Variants in MACF1 observed in about 807,000 individuals in gnomAD.
MACF1 encodes the protein microtubule-actin cross-linking factor 1.
In MACF1, 193 loss-of-function variants were observed where a neutral mutation model predicts 854.8. The ratio of observed to expected loss-of-function variants is 0.23; its 90% CI spans 0.20 to 0.25. The LOEUF (loss-of-function observed/expected upper bound fraction) is 0.25, where lower values mean the gene tolerates loss of function less well. Among genes scored for constraint, MACF1 ranks in the 10% least tolerant of loss-of-function variants. The pLI is 1.00. For synonymous variants in MACF1, 3,185 were observed against 3,226.7 expected, an observed-to-expected ratio of 0.99 and a Z score of 0.44; for missense variants, 7,722 against 8,929.1, an observed-to-expected ratio of 0.86 and a Z score of 5.45.
chr1:39,149,828 A>G (rs78074065), intron 2 of MACF1, among the ~76,000 whole-genome samples: 5,179 of 152,060 alleles, frequency 0.034, 103 homozygotes, highest in African/African-American at 0.055. Context: ...ATCTTATCCC[A>G]TTGTTCACCA....
rs1646722402 is a variant in MACF1, at chr1:39,331,328, C to T, written c.4740C>T (p.Ile1580=). ...TAGTGCTTCTGGAATCTCAGGTTATCATGTCTGGCCTCATTGCCCCTGAGA... is the reference window on the plus strand; with the variant it reads ...TAGTGCTTCTGGAATCTCAGGTTATTATGTCTGGCCTCATTGCCCCTGAGA... The part of the protein sequence containing the change: ...TGLVLLESQV[I]MSGLIAPETG... Residue 1580 remains isoleucine, a synonymous_variant, in exon 37 of 101, where the codon ATC becomes ATT. Transcript: ENST00000564288. 2.5e-6 allele frequency: 4 copies of T among 1,613,870 alleles called. No homozygotes were observed. Among genetic ancestry groups the T allele is most frequent in the Non-Finnish European group, 3.4e-6 (4 of 1,180,010 alleles).
intron 2 of MACF1, among the ~76,000 whole-genome samples, chr1:39,151,779 C>CTT (rs951479955): frequency 2.0e-5 from 3 of 151,988 alleles, no homozygotes; most frequent in Non-Finnish European, 4.4e-5. Flanking sequence ...GTTTGTCTCC[C>CTT]TTACTAGATT....
At position 39,293,519 on chromosome 1, in the gene MACF1, C is replaced by T. The variant is rs1645837960; in HGVS notation, c.2054C>T (p.Thr685Ile). The change falls in exon 18 of 101, where the codon ACA becomes ATA. Residue 685 changes from threonine (T) to isoleucine (I), a missense_variant. This residue lies in a region of MACF1 where 1,137 missense variants were observed against 1,263.0 expected (regional missense o/e 0.90). Coordinates refer to ENST00000564288, the MANE Select transcript of MACF1 (RefSeq NM_001394062.1). ...QSLHKFVSRA[T>I]AELIWLNEKE... Reference sequence around the variant, plus strand: ...CTGCATAAATTTGTTTCCAGAGCTACAGCTGAGTTGATCTGGTTGAATGAG... The same window carrying T: ...CTGCATAAATTTGTTTCCAGAGCTATAGCTGAGTTGATCTGGTTGAATGAG... 6.2e-7 allele frequency: 1 copy of T among 1,613,930 alleles called. No homozygotes were observed. Among genetic ancestry groups the T allele is most frequent in the Non-Finnish European group, 8.5e-7 (1 of 1,179,944 alleles).
intron 6 of MACF1, among the ~76,000 whole-genome samples, chr1:39,270,231 C>T (rs1336925410): frequency 2.0e-5 from 3 of 152,144 alleles, no homozygotes; most frequent in Non-Finnish European, 1.5e-5. Flanking sequence ...AAATTTCTGA[C>T]GGCAGCACTC....
Position 39,460,706 on chromosome 1 carries a change from T to A in MACF1, c.21435T>A (p.Ser7145=). The change falls in exon 92 of 101, where the codon TCT becomes TCA. Residue 7145 remains serine, a synonymous_variant. Coordinates refer to ENST00000564288, the MANE Select transcript of MACF1 (RefSeq NM_001394062.1). This position sits in a 1 kb window ranked among gnomAD's most constrained non-coding sequence, Gnocchi z 4.1. ...KYMRWMNHKK[S]RVMDFFRRID... ...TGCGTTGGATGAATCACAAAAAGTC[T>A]CGAGTGATGGATTTCTTCCGGCGCA... 1 of 1,614,188 alleles carries A rather than the reference T, an allele frequency of 6.2e-7. No homozygotes were observed. Among genetic ancestry groups the A allele is most frequent in the South Asian group, 1.1e-5 (1 of 91,082 alleles).
At chr1:39,388,932 G>T (rs1266854688) in intron 58 of MACF1, among the ~76,000 whole-genome samples, 2 of 134,444 alleles carry the variant, frequency 1.5e-5, no homozygotes, top group African/African-American at 5.9e-5. Context: ...AGGCTGGAGT[G>T]CAGTGGTGCG....
At position 39,347,207 on chromosome 1, in the gene MACF1, G is replaced by A; in HGVS notation, c.10812G>A (p.Val3604=). 1 of 1,610,906 alleles carries A rather than the reference G, an allele frequency of 6.2e-7. No homozygotes were observed. The highest frequency in any genetic ancestry group is 1.1e-5 in the South Asian group (1 of 90,870). Residue 3604 remains valine (V), a synonymous_variant, in exon 41 of 101, where the codon GTG becomes GTA. Coordinates refer to ENST00000564288, the MANE Select transcript of MACF1 (RefSeq NM_001394062.1). ...AACAAATGGAGCAGGAAGCCCTGGT[G>A]AAGGTCAGACTGAACCAGCAGCTGG... ...HLQQMEQEAL[V]KTLQKQQNTC...
At chr1:39,086,299 A>G (rs1641672108) in intron 2 of MACF1, among the ~76,000 whole-genome samples, 1 of 152,240 alleles carries the variant, frequency 6.6e-6, no homozygotes, top group Admixed American at 6.5e-5. Flanking sequence ...GGTAATCAGG[A>G]AAGGACTTTA....
intron 1 of MACF1, among the ~76,000 whole-genome samples, chr1:39,230,288 G>A (rs992525272): frequency 3.9e-5 from 6 of 152,154 alleles, no homozygotes; most frequent in Non-Finnish European, 5.9e-5. Context: ...ATATCTTCAC[G>A]TATATGTAGA....
At chr1:39,421,678 GTAT>G (rs1449856653) in intron 58 of MACF1, among the ~76,000 whole-genome samples, 2 of 152,156 alleles carry the variant, frequency 1.3e-5, no homozygotes, top group Admixed American at 1.3e-4. Context: ...TAGTCATTTG[GTAT>G]TATTCTATTC....
intron 2 of MACF1, among the ~76,000 whole-genome samples, chr1:39,194,296 G>A (rs1047441246): frequency 3.3e-5 from 5 of 149,674 alleles, no homozygotes; most frequent in South Asian, 2.1e-4. Flanking sequence ...ATCCATATCC[G>A]GAGGGATTTC....
At position 39,333,034 on chromosome 1, in the gene MACF1, A is replaced by G. The variant is rs1450799241; in HGVS notation, c.6446A>G (p.Asp2149Gly). 1 of 1,614,068 alleles carries G rather than the reference A, an allele frequency of 6.2e-7. No homozygotes were observed. Among genetic ancestry groups the G allele is most frequent in the Non-Finnish European group, 8.5e-7 (1 of 1,180,032 alleles). Residue 2149 changes from aspartate (D) to glycine (G), a missense_variant, in exon 37 of 101, where the codon GAT becomes GGT. Asp to Gly is a moderately conservative substitution (Grantham distance 94). Transcript: ENST00000564288. The stretch of plus-strand genomic sequence containing the variant: ...GGTGTGCCGTTGGTGGTTGACAAAG[A>G]TGTTTTTTCTGTTGAAACACCAAAG... ...AEGVPLVVDK[D>G]VFSVETPKKE...
In MACF1 at chr1:39,485,829, T is replaced by G. The variant is rs201016369; in HGVS notation, c.*35T>G. ...AGCACCCCCAAGCCACTATCCACTT[T>G]GAATCCTGCTCCATACATTGGGTGT... is the stretch of plus-strand genomic sequence containing the variant. On this transcript the variant is annotated 3_prime_UTR_variant, in exon 101 of 101. Transcript: ENST00000564288. 426 of 1,539,530 alleles carry G rather than the reference T, an allele frequency of 2.8e-4. 1 individual carries two copies. Among genetic ancestry groups the G allele is most frequent in the Middle Eastern group, 8.7e-4 (5 of 5,724 alleles).
chr1:39,293,765 A>G, intron 18 of MACF1, 146 bp downstream of exon 18: 1 of 652,920 alleles, frequency 1.5e-6, no homozygotes, highest in Non-Finnish European at 2.5e-6. Flanking sequence ...CATGCATGTG[A>G]GAAGTGTAAA....
At chr1:39,215,939 C>G (rs926345102) in intron 1 of MACF1, among the ~76,000 whole-genome samples, 1 of 152,028 alleles carries the variant, frequency 6.6e-6, no homozygotes, top group African/African-American at 2.4e-5. Context: ...GGTCAGGGAC[C>G]TAAATAAGAG....
At chr1:39,258,146 G>A (rs572437188) in intron 6 of MACF1, 118 bp downstream of exon 6, 9 of 820,278 alleles carry the variant, frequency 1.1e-5, no homozygotes, top group Non-Finnish European at 1.9e-5. Flanking sequence ...GTGAACAAAG[G>A]TGGATGGGAG....
chr1:39,173,786 G>C (rs539647009), intron 2 of MACF1, among the ~76,000 whole-genome samples: 1 of 152,302 alleles, frequency 6.6e-6, no homozygotes, highest in African/African-American at 2.4e-5. Flanking sequence ...GCCATTCCCA[G>C]AAGCCTAACA....
Position 39,475,468 on chromosome 1 carries a change from C to CAAAAA in MACF1, c.21959-4317_21959-4313dup, listed in dbSNP as rs71691475. Among the ~76,000 whole-genome samples the CAAAAA allele has an allele frequency of 4.5e-3, 551 of 121,122 alleles. 5 individuals carry two copies. Among genetic ancestry groups the CAAAAA allele is most frequent in the Non-Finnish European group, 6.9e-3 (413 of 60,002 alleles). 79.5% of individuals were successfully genotyped at this position (121,122 alleles called of 152,430 possible). Reference sequence around the variant, plus strand: ...TGGGTGACAAAGTGAGACCCTGTCTCAAAAAAAAAAAAAAAAATGCATTCT... The same window carrying CAAAAA: ...TGGGTGACAAAGTGAGACCCTGTCTCAAAAAAAAAAAAAAAAAAAAAATGCATTCT... On this transcript the variant is annotated intron_variant, in intron 97 of 100. Transcript: ENST00000564288.
At chr1:39,265,497 A>G (rs1314940299) in intron 6 of MACF1, among the ~76,000 whole-genome samples, 4 of 152,090 alleles carry the variant, frequency 2.6e-5, no homozygotes, top group Non-Finnish European at 5.9e-5. Context: ...CATCTGATAT[A>G]CCTACTGAAA....
Sources: allele counts gnomAD v4.1 joint callset (sites outside exome capture counted in the v4.1 genomes callset), GRCh38; gene constraint gnomAD v4.1.1; regional missense constraint gnomAD v4.1.1; non-coding constraint Gnocchi (gnomAD v3.1); transcripts MANE v1.5; gene names NCBI Gene and HGNC (gene_info 2026-07-23, HGNC 2026-07-21).